Variants in SEMA3A observed in about 807,000 individuals in gnomAD.
SEMA3A encodes semaphorin 3A, also known as semaphorin-3A.
SEMA3A carries 29 observed loss-of-function variants against 97.9 expected under a neutral mutation model. The ratio of observed to expected loss-of-function variants is 0.30; its 90% CI spans 0.22 to 0.40. The LOEUF (loss-of-function observed/expected upper bound fraction) is 0.40, where lower values mean the gene tolerates loss of function less well. Ranked by LOEUF, SEMA3A falls within the 10% of genes least tolerant of loss-of-function variation. The probability of loss-of-function intolerance (pLI) is 1.00; values close to 1 mark genes in which losing one functional copy is unlikely to be tolerated. For synonymous variants in SEMA3A, 321 were observed against 323.7 expected, an observed-to-expected ratio of 0.99 and a Z score of 0.09; for missense variants, 763 against 951.3, an observed-to-expected ratio of 0.80 and a Z score of 2.60.
At chr7:84,457,066 T>C (rs145727099) in intron 1 of SEMA3A, among the ~76,000 whole-genome samples, 81 of 151,660 alleles carry the variant, frequency 5.3e-4, no homozygotes, top group African/African-American at 1.9e-3. Flanking sequence ...TGCATTTTGG[T>C]ATCAAAAATA....
chr7:84,255,588 T>C (rs1346783517), intron 3 of SEMA3A, among the ~76,000 whole-genome samples: 2 of 152,132 alleles, frequency 1.3e-5, no homozygotes, highest in African/African-American at 2.4e-5. Context: ...TTCTCCCTTT[T>C]CTTTGGTCTA....
intron 2 of SEMA3A, among the ~76,000 whole-genome samples, chr7:84,359,971 G>A (rs1316335854): frequency 2.7e-5 from 4 of 149,482 alleles, no homozygotes; most frequent in African/African-American, 1.0e-4. Flanking sequence ...ATTTCTGTGG[G>A]ATCGGCGGTG....
chr7:84,280,543 G>A (rs73185127), intron 3 of SEMA3A, among the ~76,000 whole-genome samples: 10,044 of 152,026 alleles, frequency 0.066, 561 homozygotes, highest in East Asian at 0.31. Flanking sequence ...CAGCACTTTC[G>A]GAGGTAGAGG....
chr7:84,406,141 T>C (rs554845877), intron 1 of SEMA3A, among the ~76,000 whole-genome samples: 136 of 152,190 alleles, frequency 8.9e-4, no homozygotes, highest in Non-Finnish European at 1.6e-3. Context: ...ACAAAATTGA[T>C]AGACCACTAG....
intron 1 of SEMA3A, among the ~76,000 whole-genome samples, chr7:84,385,235 T>G (rs1318741653): frequency 6.6e-6 from 1 of 152,164 alleles, no homozygotes; most frequent in East Asian, 1.9e-4. Context: ...GCTGAGCTGA[T>G]GAGGAGTGCT....
At chr7:84,307,065 A>G (rs2115848104) in intron 3 of SEMA3A, 1 of 152,234 alleles carries the variant, frequency 6.6e-6, no homozygotes, top group East Asian at 1.9e-4. Context: ...ATTCTACAGA[A>G]GACTATATAA....
chr7:84,395,765 T>C (rs561157825), intron 1 of SEMA3A, among the ~76,000 whole-genome samples: 5 of 152,222 alleles, frequency 3.3e-5, no homozygotes, highest in African/African-American at 9.6e-5. Flanking sequence ...CCTTCTGCCA[T>C]GATTGTAAGT....
At chr7:84,224,684 G>A (rs1230628589) in intron 3 of SEMA3A, among the ~76,000 whole-genome samples, 1 of 151,992 alleles carries the variant, frequency 6.6e-6, no homozygotes, top group Non-Finnish European at 1.5e-5. Flanking sequence ...GCACCCTTTC[G>A]AGTGCCACTA....
chr7:84,136,532 G>C (rs1258221104), intron 1 of SEMA3A, among the ~76,000 whole-genome samples: 2 of 152,050 alleles, frequency 1.3e-5, no homozygotes, highest in African/African-American at 4.8e-5. Context: ...GACTCCAACA[G>C]CTACAGAATA....
intron 1 of SEMA3A, among the ~76,000 whole-genome samples, chr7:84,185,747 A>C (rs2116251318): frequency 6.6e-6 from 1 of 150,622 alleles, no homozygotes; most frequent in African/African-American, 2.4e-5. Context: ...TAAAAACATG[A>C]AGAAACCATC....
intron 4 of SEMA3A, among the ~76,000 whole-genome samples, chr7:84,080,906 C>T (rs962261401): frequency 4.0e-5 from 6 of 151,856 alleles, no homozygotes; most frequent in South Asian, 2.1e-4. Context: ...ATACTTTAAT[C>T]TCTGTGATTA....
chr7:84,056,039 A>G (rs1792960334), intron 5 of SEMA3A, among the ~76,000 whole-genome samples: 1 of 152,228 alleles, frequency 6.6e-6, no homozygotes, highest in African/African-American at 2.4e-5. Context: ...AAAAAATACC[A>G]CATGGGCAGT....
At chr7:84,150,058 AATATTGTCATTAATC>A (rs1173445430) in intron 1 of SEMA3A, among the ~76,000 whole-genome samples, 1 of 152,186 alleles carries the variant, frequency 6.6e-6, no homozygotes, top group Non-Finnish European at 1.5e-5. Flanking sequence ...TCTTTGTAAC[AATATTGTCATTAATC>A]AGTTTTGGAT....
chr7:83,981,114 A>T (rs1183301309), intron 14 of SEMA3A, among the ~76,000 whole-genome samples: 1 of 152,178 alleles, frequency 6.6e-6, no homozygotes, highest in Non-Finnish European at 1.5e-5. Context: ...GATTCTGTTT[A>T]TGACTTTCTC....
intron 3 of SEMA3A, among the ~76,000 whole-genome samples, chr7:84,275,577 T>C (rs979515886): frequency 2.6e-5 from 4 of 151,882 alleles, no homozygotes; most frequent in African/African-American, 9.7e-5. Flanking sequence ...TACAGATCTA[T>C]TTTTGTTGAT....
chr7:84,375,472 T>C (rs889267460), intron 1 of SEMA3A, among the ~76,000 whole-genome samples: 1 of 152,118 alleles, frequency 6.6e-6, no homozygotes, highest in Non-Finnish European at 1.5e-5. Context: ...TTGAACAGAG[T>C]GCTTTGGGGA....
intron 1 of SEMA3A, among the ~76,000 whole-genome samples, chr7:84,162,216 T>A (rs937434043): frequency 6.6e-6 from 1 of 152,190 alleles, no homozygotes; most frequent in Admixed American, 6.5e-5. Context: ...TTATTAGGCC[T>A]ATTTTTTCTC....
chr7:84,088,792 G>A (rs1379702960), intron 4 of SEMA3A, among the ~76,000 whole-genome samples: 1 of 152,050 alleles, frequency 6.6e-6, no homozygotes, highest in Non-Finnish European at 1.5e-5. Context: ...ATTTAAAAAT[G>A]CATAGGGTGC....
chr7:84,181,691 A>C (rs1226836324), intron 1 of SEMA3A, among the ~76,000 whole-genome samples: 6 of 152,132 alleles, frequency 3.9e-5, no homozygotes, highest in African/African-American at 1.4e-4. Flanking sequence ...TTTACATTTA[A>C]GTTGCTATTT....
Sources: allele counts gnomAD v4.1 joint callset (sites outside exome capture counted in the v4.1 genomes callset), GRCh38; gene constraint gnomAD v4.1.1; transcripts MANE v1.5; gene names NCBI Gene and HGNC (gene_info 2026-07-23, HGNC 2026-07-21).